UTRN: variants seen among roughly 807,000 people sequenced by gnomAD.
UTRN encodes the protein utrophin.
UTRN carries 283 observed loss-of-function variants against 463.9 expected under a neutral mutation model. That is an observed-to-expected ratio of 0.61 (90% CI 0.55 to 0.67). UTRN has a LOEUF of 0.67. Among genes scored for constraint, UTRN ranks in the 30% least tolerant of loss-of-function variants. The pLI is 0.00. For synonymous variants in UTRN, 1,442 were observed against 1,431.5 expected (o/e 1.01, Z -0.17); for missense variants, 3,922 against 4,084.3 (o/e 0.96, Z 1.08).
In UTRN at chr6:144,820,804, C is replaced by T. The variant is rs1385774218; in HGVS notation, c.9358-78C>T. 2.0e-6 allele frequency: 3 copies of T among 1,505,596 alleles called. No homozygotes were observed. The African/African-American group carries it at 4.2e-5, about 21-fold the overall frequency. 93.3% of individuals were successfully genotyped at this position (1,505,596 alleles called of 1,614,324 possible). A position where few individuals can be genotyped will look rare whatever the true frequency, so the allele number is the denominator to read the frequency against. ...GTTGACATTTAATTGCATCAATTTA[C>T]ATCGGCTCTGATTTTGTTATAGATA... On this transcript the variant is annotated intron_variant, in intron 65 of 74. Coordinates refer to ENST00000367545, the MANE Select transcript of UTRN (RefSeq NM_007124.3).
intron 2 of UTRN, among the ~76,000 whole-genome samples, chr6:144,358,269 A>G (rs188835285): frequency 6.6e-6 from 1 of 152,374 alleles, no homozygotes; most frequent in Admixed American, 6.5e-5. Flanking sequence ...TATTAAAACT[A>G]TGTGACAGTC....
At chr6:144,828,903 A>G (rs1450422321) in intron 69 of UTRN, 48 bp downstream of exon 69, 23 of 1,591,520 alleles carry the variant, frequency 1.4e-5, no homozygotes, top group Non-Finnish European at 2.0e-5. Flanking sequence ...TAGTTCTTGT[A>G]TTATGGCTGT....
At chr6:144,728,243 G>A (rs758772941) in intron 53 of UTRN, among the ~76,000 whole-genome samples, 14 of 151,732 alleles carry the variant, frequency 9.2e-5, no homozygotes, top group Non-Finnish European at 1.8e-4. Context: ...TAAGTAACAT[G>A]ATTTTTCATG....
At chr6:144,690,072 C>CTTTTTTTTTTTTTTTTTTTTTTTTTTTT (rs1428641511) in intron 52 of UTRN, among the ~76,000 whole-genome samples, 1 of 35,662 alleles carries the variant, frequency 2.8e-5, no homozygotes, top group African/African-American at 1.2e-4. Flanking sequence ...CCAAAAGTTT[C>CTTTTTTTTTTTTTTTTTTTTTTTTTTTT]TGTTTTTTTT....
At chr6:144,297,034 A>T (rs1365936377) in intron 2 of UTRN, among the ~76,000 whole-genome samples, 1 of 152,112 alleles carries the variant, frequency 6.6e-6, no homozygotes, top group Non-Finnish European at 1.5e-5. Flanking sequence ...TTCTGACATG[A>T]ATTCCTTTTT....
At chr6:144,755,353 T>G (rs1389796745) in intron 57 of UTRN, among the ~76,000 whole-genome samples, 2 of 152,198 alleles carry the variant, frequency 1.3e-5, no homozygotes, top group African/African-American at 4.8e-5. Context: ...CAACTGGAAT[T>G]GATAAATTTA....
rs4896721 is a variant in UTRN at position 144,436,809 on chromosome 6, T to G, written c.1059+671T>G. 2.8e-5 allele frequency among the ~76,000 whole-genome samples: 4 copies of G among 141,978 alleles called. No individual in the cohort carries two copies. The Admixed American group carries it at 2.8e-4, about 10-fold the overall frequency. 93.1% of individuals were successfully genotyped at this position (141,978 alleles called of 152,430 possible). ...ATATATATTTATATATAAATATATA[T>G]AAATAAAAATAAATATATATTTTAT... On this transcript the variant is annotated intron_variant, in intron 10 of 74. Coordinates refer to ENST00000367545, the MANE Select transcript of UTRN (RefSeq NM_007124.3).
intron 35 of UTRN, 66 bp from the exon 36 acceptor site, chr6:144,513,843 T>C: frequency 6.5e-7 from 1 of 1,541,188 alleles, no homozygotes; most frequent in Non-Finnish European, 8.8e-7. Context: ...CTTTTAAATC[T>C]CTTTTAAGAT....
rs752886378 is a variant in UTRN at position 144,789,319 on chromosome 6, A to T, written c.8920+40A>T. On this transcript the variant is annotated intron_variant, in intron 62 of 74. Transcript: ENST00000367545. ...TCTTATACCAACAGTGTTTTTAGTA[A>T]TAATAATGATTATAACAATTTATTG... 1.7e-5 allele frequency: 24 copies of T among 1,437,546 alleles called. No homozygotes were observed. The African/African-American group carries it at 3.3e-4, about 20-fold the overall frequency. The allele number at this position is 1,437,546 out of a possible 1,614,324, so 89.0% of individuals were successfully genotyped here. A position where few individuals can be genotyped will look rare whatever the true frequency, so the allele number is the denominator to read the frequency against.
intron 27 of UTRN, among the ~76,000 whole-genome samples, chr6:144,483,073 G>A (rs1490715188): frequency 2.0e-5 from 3 of 152,068 alleles, no homozygotes; most frequent in East Asian, 1.9e-4. Flanking sequence ...TCAATTTGAC[G>A]TAAAACAAAT....
intron 54 of UTRN, among the ~76,000 whole-genome samples, chr6:144,736,333 T>A (rs2128717407): frequency 6.6e-6 from 1 of 152,308 alleles, no homozygotes; most frequent in Admixed American, 6.5e-5. Context: ...ATAAGCATTT[T>A]GTGAGTATGT....
intron 53 of UTRN, among the ~76,000 whole-genome samples, chr6:144,723,771 G>T (rs1238806902): frequency 6.6e-6 from 1 of 152,060 alleles, no homozygotes; most frequent in Non-Finnish European, 1.5e-5. Flanking sequence ...GGAGGCCAAG[G>T]TGGGTGGATT....
chr6:144,405,062 T>C (rs1783263855), intron 3 of UTRN, among the ~76,000 whole-genome samples: 3 of 152,188 alleles, frequency 2.0e-5, no homozygotes, highest in South Asian at 4.2e-4. Context: ...GTAAAAGTTA[T>C]AGTTAGTTTT....
chr6:144,501,512 T>C (rs942897522), intron 34 of UTRN, among the ~76,000 whole-genome samples: 2 of 152,222 alleles, frequency 1.3e-5, no homozygotes, highest in Non-Finnish European at 2.9e-5. Flanking sequence ...ATAAATTTTG[T>C]TGTAACTAGT....
chr6:144,701,205 C>A (rs978848528), intron 53 of UTRN, among the ~76,000 whole-genome samples: 8 of 151,898 alleles, frequency 5.3e-5, no homozygotes, highest in African/African-American at 1.9e-4. Flanking sequence ...CCTTACCCGA[C>A]CTGAGAAAAT....
chr6:144,467,095 C>G (rs1790032309), intron 23 of UTRN, among the ~76,000 whole-genome samples: 1 of 152,256 alleles, frequency 6.6e-6, no homozygotes, highest in Non-Finnish European at 1.5e-5. Context: ...ATGTCCCTTT[C>G]TTGCCCTGAA....
At position 144,429,741 on chromosome 6, in the gene UTRN, G is replaced by T. The variant is rs770853955; in HGVS notation, c.855G>T (p.Gln285His). 35 of 1,606,024 alleles carry T rather than the reference G, an allele frequency of 2.2e-5. No homozygotes were observed. Among genetic ancestry groups the T allele is most frequent in the Non-Finnish European group, 2.8e-5 (33 of 1,177,658 alleles). Residue 285 changes from glutamine (Q) to histidine (H), a missense_variant and splice_region_variant, in exon 9 of 75, where the codon CAG becomes CAT. Coordinates refer to ENST00000367545, the MANE Select transcript of UTRN (RefSeq NM_007124.3). The part of the protein sequence containing the change: ...KECEEEAINI[Q>H]STAPEEEHES... ...GTGAAGAAGAGGCAATTAATATACA[G>T]GTACAGGTAACATTTTATTAAGATG...
At chr6:144,545,067 A>T (rs1305359779) in intron 46 of UTRN, among the ~76,000 whole-genome samples, 1 of 152,282 alleles carries the variant, frequency 6.6e-6, no homozygotes, top group Middle Eastern at 3.4e-3. Flanking sequence ...TGATTCACCC[A>T]GTCCTTAGGC....
intron 28 of UTRN, 60 bp from the exon 29 acceptor site, chr6:144,487,488 C>A: frequency 2.1e-6 from 3 of 1,431,408 alleles, no homozygotes; most frequent in South Asian, 1.6e-5. Context: ...TTTTGGGGAT[C>A]CTTGATACCT....
Sources: allele counts gnomAD v4.1 joint callset (sites outside exome capture counted in the v4.1 genomes callset), GRCh38; gene constraint gnomAD v4.1.1; transcripts MANE v1.5; gene names NCBI Gene and HGNC (gene_info 2026-07-23, HGNC 2026-07-21).